The following RAD51B variants were observed in gnomAD, a reference collection of about 807,000 sequenced individuals.
The protein encoded by RAD51B is RAD51 paralog B, also known as DNA repair protein RAD51 homolog 2.
In RAD51B, 38 loss-of-function variants were observed where a neutral mutation model predicts 42.2. That is an observed-to-expected ratio of 0.90 (90% CI 0.70 to 1.18). The LOEUF (loss-of-function observed/expected upper bound fraction) is 1.18, where lower values mean the gene tolerates loss of function less well. RAD51B is among the 50% of genes most tolerant of loss of function. RAD51B has a pLI of 0.00. For synonymous variants in RAD51B, 154 were observed against 145.2 expected, an observed-to-expected ratio of 1.06 and a Z score of -0.43; for missense variants, 373 against 400.7, an observed-to-expected ratio of 0.93 and a Z score of 0.59.
intron 7 of RAD51B, among the ~76,000 whole-genome samples, chr14:68,269,833 C>G (rs1018188959): frequency 6.6e-6 from 1 of 152,186 alleles, no homozygotes; most frequent in Non-Finnish European, 1.5e-5. Context: ...TTTTGCTTCC[C>G]TCTCTTCCTT....
At chr14:68,082,969 A>G (rs936373959) in intron 7 of RAD51B, among the ~76,000 whole-genome samples, 4 of 152,208 alleles carry the variant, frequency 2.6e-5, no homozygotes, top group Non-Finnish European at 4.4e-5. Context: ...CTCCTAAGGT[A>G]AAACCTATAT....
At position 67,835,692 on chromosome 14, in the gene RAD51B, A is replaced by T. The variant is rs1387537571; in HGVS notation, c.315+496A>T. On this transcript the variant is annotated intron_variant, in intron 4 of 10. Coordinates refer to ENST00000471583, the MANE Select transcript of RAD51B (RefSeq NM_133510.4). ...AGGCAAGACCCTGTCTTTACCAAAA[A>T]AAAAATAAAAAAAACCCAGAAACCA... Among the ~76,000 whole-genome samples the T allele has an allele frequency of 3.3e-5, 5 of 151,684 alleles. No homozygotes were observed. In the East Asian group the frequency reaches 9.7e-4, roughly 29 times the overall value.
At chr14:68,615,490 C>T (rs1486671072), downstream of RAD51B, among the ~76,000 whole-genome samples, 5 of 152,046 alleles carry the variant, frequency 3.3e-5, no homozygotes, top group East Asian at 5.8e-4. Flanking sequence ...GGACTACAGG[C>T]GTCCACCACA....
chr14:68,478,076 A>G lies in RAD51B; in HGVS notation c.*412A>G, dbSNP rs1882862099. The G allele has an allele frequency of 9.4e-7, 1 of 1,062,748 alleles. No individual in the cohort carries two copies. The highest frequency in any genetic ancestry group is 1.1e-6 in the Non-Finnish European group (1 of 878,062). The allele number at this position is 1,062,748 out of a possible 1,614,324, so 65.8% of individuals were successfully genotyped here. A position where few individuals can be genotyped will look rare whatever the true frequency, so the allele number is the denominator to read the frequency against. ...ATTACAGGAGGGAACATTTCCGAAT[A>G]AAGTATTGTCTACCAGATAAAAAGA... On this transcript the variant is annotated 3_prime_UTR_variant, in exon 11 of 11. Coordinates refer to ENST00000471583, the MANE Select transcript of RAD51B (RefSeq NM_133510.4).
chr14:68,364,807 T>C (rs1003649462), intron 8 of RAD51B, among the ~76,000 whole-genome samples: 1 of 152,182 alleles, frequency 6.6e-6, no homozygotes, highest in Non-Finnish European at 1.5e-5. Flanking sequence ...TAAAGAATCT[T>C]ATGTGTGTGT....
In RAD51B at chr14:68,095,934, C is replaced by T. The variant is rs567159933; in HGVS notation, c.757-195950C>T. Among the ~76,000 whole-genome samples, 7 of 143,926 alleles carry T rather than the reference C, an allele frequency of 4.9e-5. No individual in the cohort carries two copies. The Admixed American group carries it at 5.0e-4, about 10-fold the overall frequency. 94.4% of individuals were successfully genotyped at this position (143,926 alleles called of 152,430 possible). The stretch of plus-strand genomic sequence containing the variant: ...GAGCTTGCATGAGCCAAGATCGTGC[C>T]TCTCTCCAGCCTGGGTGACAGAGTG... On this transcript the variant is annotated intron_variant, in intron 7 of 10. Coordinates refer to ENST00000471583, the MANE Select transcript of RAD51B (RefSeq NM_133510.4).
intron 7 of RAD51B, among the ~76,000 whole-genome samples, chr14:68,041,891 T>C (rs1007351510): frequency 4.6e-5 from 7 of 152,218 alleles, no homozygotes; most frequent in African/African-American, 1.7e-4. Flanking sequence ...CTTCTCACTT[T>C]TGCTGTTGTT....
intron 7 of RAD51B, among the ~76,000 whole-genome samples, chr14:67,920,639 T>C (rs537969966): frequency 6.6e-6 from 1 of 152,340 alleles, no homozygotes; most frequent in South Asian, 2.1e-4. Context: ...TAAGTTTCTG[T>C]AATATGTGGT....
downstream of RAD51B, among the ~76,000 whole-genome samples, chr14:68,614,956 T>C (rs1891795282): frequency 6.6e-6 from 1 of 152,208 alleles, no homozygotes; most frequent in Non-Finnish European, 1.5e-5. Context: ...CACTGCAACC[T>C]CCGCCTCCTG....
At chr14:67,827,939 G>A (rs4902522) in intron 3 of RAD51B, among the ~76,000 whole-genome samples, 5,626 of 152,228 alleles carry the variant, frequency 0.037, 306 homozygotes, top group African/African-American at 0.12. Flanking sequence ...GAATAGTGCT[G>A]CAATGAACAT....
At chr14:67,960,718 G>A (rs1023945600) in intron 7 of RAD51B, among the ~76,000 whole-genome samples, 3 of 152,152 alleles carry the variant, frequency 2.0e-5, no homozygotes, top group Admixed American at 2.0e-4. Flanking sequence ...GCTCAGGCTA[G>A]TGTGCAGTCT....
chr14:68,360,860 CA>C (rs34353837), intron 8 of RAD51B, among the ~76,000 whole-genome samples: 1 of 151,910 alleles, frequency 6.6e-6, no homozygotes, highest in African/African-American at 2.4e-5. Flanking sequence ...TGTGATTGGA[CA>C]AAAAAGGGTC....
At position 68,421,617 on chromosome 14, in the gene RAD51B, T is replaced by G. The variant is rs567471110; in HGVS notation, c.957+10090T>G. On this transcript the variant is annotated intron_variant, in intron 9 of 10. Transcript: ENST00000471583. ...CGAGAGCACAAAGATTCTAGGATAC[T>G]GCGAGCAAACGGGGTGGAGGGGTGC... The G allele has an allele frequency of 7.9e-5, 88 of 1,116,454 alleles. No homozygotes were observed. In the African/African-American group the frequency reaches 1.1e-3, roughly 14 times the overall value. 69.2% of individuals were successfully genotyped at this position (1,116,454 alleles called of 1,614,324 possible).
intron 7 of RAD51B, among the ~76,000 whole-genome samples, chr14:68,260,643 A>G (rs1240081800): frequency 6.6e-6 from 1 of 152,198 alleles, no homozygotes; most frequent in African/African-American, 2.4e-5. Flanking sequence ...TGTGTTTAAC[A>G]TTCCATCCCT....
intron 8 of RAD51B, among the ~76,000 whole-genome samples, chr14:68,343,747 T>C (rs1303579690): frequency 2.6e-5 from 4 of 152,212 alleles, no homozygotes; most frequent in Non-Finnish European, 4.4e-5. Flanking sequence ...TATGAGGAAA[T>C]AATGGTTTCA....
chr14:68,604,634 G>A (rs899651188), intron 10 of RAD51B, among the ~76,000 whole-genome samples: 6 of 152,152 alleles, frequency 3.9e-5, no homozygotes, highest in Non-Finnish European at 8.8e-5. Context: ...CAGCGGCAGC[G>A]CCATGGTCCC....
chr14:68,374,848 C>T (rs536895237), intron 8 of RAD51B, among the ~76,000 whole-genome samples: 65 of 150,950 alleles, frequency 4.3e-4, no homozygotes, highest in African/African-American at 1.5e-3. Flanking sequence ...GTTTTACCTG[C>T]GCTGAGGGAT....
At chr14:67,910,529 T>C (rs2140112721) in intron 7 of RAD51B, among the ~76,000 whole-genome samples, 1 of 151,708 alleles carries the variant, frequency 6.6e-6, no homozygotes, top group African/African-American at 2.4e-5. Context: ...ATTACTGCTA[T>C]TCCACTTTGC....
chr14:67,846,769 G>A (rs190435019), intron 4 of RAD51B, among the ~76,000 whole-genome samples: 106 of 152,286 alleles, frequency 7.0e-4, no homozygotes, highest in Middle Eastern at 6.8e-3. Context: ...AGACCACCAT[G>A]ATCTGTTCAG....
Sources: allele counts gnomAD v4.1 joint callset (sites outside exome capture counted in the v4.1 genomes callset), GRCh38; gene constraint gnomAD v4.1.1; transcripts MANE v1.5; gene names NCBI Gene and HGNC (gene_info 2026-07-23, HGNC 2026-07-21).